The following CCL17 variants were observed in gnomAD, a reference collection of about 807,000 sequenced individuals.
The protein encoded by CCL17 is C-C motif chemokine 17.
CCL17 carries 8 observed loss-of-function variants against 7.4 expected under a neutral mutation model. That is an observed-to-expected ratio of 1.09 (90% CI 0.64 to 1.96). The LOEUF (loss-of-function observed/expected upper bound fraction) is 1.96. Among genes scored for constraint, CCL17 ranks in the 30% most tolerant of loss-of-function variants. The probability of loss-of-function intolerance (pLI) is 0.00; values close to 1 mark genes in which losing one functional copy is unlikely to be tolerated. For missense variants in CCL17, 102 were observed against 113.0 expected (o/e 0.90, Z 0.44); for synonymous variants, 40 against 46.1 (o/e 0.87, Z 0.54).
At chr16:57,401,683 G>A (rs1030555696), upstream of CCL17, among the ~76,000 whole-genome samples, 4 of 152,180 alleles carry the variant, frequency 2.6e-5, no homozygotes, top group Non-Finnish European at 4.4e-5. Flanking sequence ...ATTAGGGGAG[G>A]AAAGCGGGGC....
At chr16:57,403,472 T>TA (rs1902635492), upstream of CCL17, among the ~76,000 whole-genome samples, 1 of 2,500 alleles carries the variant, frequency 4.0e-4, no homozygotes, top group Non-Finnish European at 9.6e-4. Flanking sequence ...TATTATATTA[T>TA]ATATATTATA....
chr16:57,399,237 G>C, the CCL17 span, among the ~76,000 whole-genome samples: 1 of 152,180 alleles, frequency 6.6e-6, no homozygotes, highest in South Asian at 2.1e-4. Context: ...TGTCTGACCT[G>C]TTTCCAGGTG....
the CCL17 span, among the ~76,000 whole-genome samples, chr16:57,396,328 C>A: frequency 6.6e-6 from 1 of 152,118 alleles, no homozygotes; most frequent in South Asian, 2.1e-4. Flanking sequence ...GAAGAATATG[C>A]CTTGGCTGGG....
chr16:57,413,443 C>A (rs910211490), intron 1 of CCL17, among the ~76,000 whole-genome samples: 5 of 152,072 alleles, frequency 3.3e-5, no homozygotes, highest in Non-Finnish European at 7.4e-5. Flanking sequence ...GTGGCCCTGG[C>A]AGCACCCTGA....
chr16:57,403,836 T>C (rs555466189), upstream of CCL17, among the ~76,000 whole-genome samples: 74 of 148,888 alleles, frequency 5.0e-4, no homozygotes, highest in Non-Finnish European at 1.0e-3. Context: ...TTTGTATTTT[T>C]AGTAGAGATG....
upstream of CCL17, among the ~76,000 whole-genome samples, chr16:57,403,613 T>C (rs1307050024): frequency 1.4e-5 from 1 of 71,702 alleles, no homozygotes; most frequent in East Asian, 4.3e-4. Context: ...ATATAATATA[T>C]ATTTATAATA....
chr16:57,404,226 C>T (rs761141207), upstream of CCL17, among the ~76,000 whole-genome samples: 8 of 152,110 alleles, frequency 5.3e-5, no homozygotes, highest in Non-Finnish European at 8.8e-5. Context: ...TGGAGAGCCA[C>T]GGGGACGTTC....
chr16:57,412,741 C>G (rs1206966353), intron 1 of CCL17, among the ~76,000 whole-genome samples: 1 of 152,132 alleles, frequency 6.6e-6, no homozygotes, highest in East Asian at 1.9e-4. Context: ...CCTGGTGCTG[C>G]CCACCTGAAG....
chr16:57,407,735 TTCCATCCATCCATCA>T (rs1394324030), intron 1 of CCL17, among the ~76,000 whole-genome samples: 1 of 151,282 alleles, frequency 6.6e-6, no homozygotes, highest in Non-Finnish European at 1.5e-5. Flanking sequence ...TCATCCATCC[TTCCATCCATCCATCA>T]TCCATCCATC....
chr16:57,410,168 G>A (rs940654010), intron 1 of CCL17, among the ~76,000 whole-genome samples: 8 of 152,252 alleles, frequency 5.3e-5, no homozygotes, highest in Non-Finnish European at 8.8e-5. Context: ...CCACTGCCTC[G>A]GGGACAGGCT....
At position 57,413,881 on chromosome 16, in the gene CCL17, C is replaced by G; in HGVS notation, c.-52C>G. 8 of 1,529,436 alleles carry G rather than the reference C, an allele frequency of 5.2e-6. No individual in the cohort carries two copies. Among genetic ancestry groups the G allele is most frequent in the Non-Finnish European group, 7.1e-6 (8 of 1,122,940 alleles). The allele number at this position is 1,529,436 out of a possible 1,614,324, so 94.7% of individuals were successfully genotyped here. ...ACCCTCGACTCTCAGCAGGGTGTCT[C>G]CCTGAGCAGAGGGACCTGCACACAG... On this transcript the variant is annotated 5_prime_UTR_variant, in exon 2 of 4. Transcript: ENST00000219244.
At chr16:57,410,390 C>G (rs554116022) in intron 1 of CCL17, among the ~76,000 whole-genome samples, 1 of 152,168 alleles carries the variant, frequency 6.6e-6, no homozygotes, top group Non-Finnish European at 1.5e-5. Flanking sequence ...TTACCACAGC[C>G]GCTCCTCCCA....
chr16:57,412,172 G>C (rs1369140159), intron 1 of CCL17, among the ~76,000 whole-genome samples: 4 of 152,208 alleles, frequency 2.6e-5, no homozygotes, highest in Non-Finnish European at 5.9e-5. Flanking sequence ...TCCCTCTACA[G>C]GTGATGAGAT....
intron 1 of CCL17, among the ~76,000 whole-genome samples, chr16:57,406,868 T>C (rs185680069): frequency 6.6e-6 from 1 of 152,176 alleles, no homozygotes; most frequent in African/African-American, 2.4e-5. Flanking sequence ...CTCAGGGCTG[T>C]AGGTAATGAT....
chr16:57,397,913 C>T, the CCL17 span, among the ~76,000 whole-genome samples: 1 of 152,174 alleles, frequency 6.6e-6, no homozygotes. Flanking sequence ...AAATGAACTT[C>T]CATCAGCATA....
Sources: gnomAD v4.1 joint callset for allele counts (sites outside exome capture counted in the v4.1 genomes callset) on GRCh38, gnomAD v4.1.1 for gene constraint, MANE v1.5 for transcripts, NCBI Gene and HGNC (gene_info 2026-07-23, HGNC 2026-07-21) for gene names.